Variants in QKI observed in about 807,000 individuals in gnomAD.
QKI encodes the protein QKI, KH domain containing RNA binding.
Under a neutral mutation model 39.0 loss-of-function variants are expected in QKI, and 10 were observed. The observed-to-expected ratio is 0.26, with a 90% CI of 0.16 to 0.43. The LOEUF (loss-of-function observed/expected upper bound fraction) is 0.43, where lower values mean the gene tolerates loss of function less well. QKI is among the 20% of genes least tolerant of loss of function. The pLI is 1.00. For synonymous variants in QKI, 204 were observed against 155.4 expected (o/e 1.31, Z -2.33); for missense variants, 218 against 428.0 (o/e 0.51, Z 4.33).
intron 4 of QKI, among the ~76,000 whole-genome samples, chr6:163,539,837 C>T (rs1488525897): frequency 6.6e-6 from 1 of 152,168 alleles, no homozygotes; most frequent in Non-Finnish European, 1.5e-5. Context: ...TCAACACACA[C>T]TCAAACCCTG....
chr6:163,442,741 T>C (rs1789851123), intron 1 of QKI, among the ~76,000 whole-genome samples: 2 of 152,142 alleles, frequency 1.3e-5, no homozygotes, highest in African/African-American at 2.4e-5. Flanking sequence ...TAGTCTTGAA[T>C]GTATCAGATA....
chr6:163,575,000 G>A lies in QKI; in HGVS notation c.*4290G>A, dbSNP rs1783904368. ...CACAGAGTAGTGTTAGCTGATGTGA[G>A]TGATAACAGCGAATCACCATTGAGA... On this transcript the variant is annotated 3_prime_UTR_variant, in exon 8 of 8. Transcript: ENST00000361752. The A allele has an allele frequency of 6.6e-6, 1 of 152,190 alleles. No individual in the cohort carries two copies. Among genetic ancestry groups the A allele is most frequent in the African/African-American group, 2.4e-5 (1 of 41,426 alleles). 9.4% of individuals were successfully genotyped at this position (152,190 alleles called of 1,614,324 possible).
chr6:163,448,180 G>A (rs912854719), intron 1 of QKI, among the ~76,000 whole-genome samples: 13 of 152,078 alleles, frequency 8.5e-5, no homozygotes, highest in South Asian at 6.2e-4. Flanking sequence ...GAAATTTATC[G>A]CCAGTTGTGG....
intron 2 of QKI, among the ~76,000 whole-genome samples, chr6:163,467,727 A>G (rs1030648185): frequency 6.6e-6 from 1 of 152,178 alleles, no homozygotes; most frequent in Admixed American, 6.5e-5. Flanking sequence ...TATGAAGGTA[A>G]CAAGGCATAA....
At chr6:163,452,413 C>G (rs1335850568) in intron 1 of QKI, among the ~76,000 whole-genome samples, 1 of 152,072 alleles carries the variant, frequency 6.6e-6, no homozygotes, top group African/African-American at 2.4e-5. Context: ...GGTAGAAAGA[C>G]TTCTTATCTG....
intron 3 of QKI, among the ~76,000 whole-genome samples, chr6:163,527,893 C>G (rs1780612617): frequency 6.6e-6 from 1 of 152,116 alleles, no homozygotes; most frequent in South Asian, 2.1e-4. Flanking sequence ...ACAACCTCAC[C>G]TATTCGAAAC....
At chr6:163,444,907 AATT>A (rs994349637) in intron 1 of QKI, among the ~76,000 whole-genome samples, 4 of 151,806 alleles carry the variant, frequency 2.6e-5, no homozygotes, top group African/African-American at 7.3e-5. Flanking sequence ...AACACTTTTT[AATT>A]ATTATTATTA....
intron 3 of QKI, among the ~76,000 whole-genome samples, chr6:163,503,759 A>G (rs1778927069): frequency 6.6e-6 from 1 of 151,696 alleles, no homozygotes; most frequent in South Asian, 2.1e-4. Context: ...TATTTTTTGG[A>G]GACAGAGTCT....
At chr6:163,451,889 G>A (rs1400531127) in intron 1 of QKI, among the ~76,000 whole-genome samples, 1 of 152,178 alleles carries the variant, frequency 6.6e-6, no homozygotes, top group African/African-American at 2.4e-5. Flanking sequence ...CTCGTTGCAT[G>A]TTTCCATAGT....
intron 1 of QKI, among the ~76,000 whole-genome samples, chr6:163,422,774 T>C (rs1373417080): frequency 2.0e-5 from 3 of 152,256 alleles, no homozygotes; most frequent in Admixed American, 6.5e-5. Context: ...GGCCCCGGGA[T>C]TGAATAAGTA....
Position 163,540,271 on chromosome 6 carries a change from T to C in QKI, c.546+5146T>C, listed in dbSNP as rs1160027763. 2.6e-5 allele frequency among the ~76,000 whole-genome samples: 4 copies of C among 152,276 alleles called. No homozygotes were observed. The South Asian group carries it at 8.3e-4, about 32-fold the overall frequency. On this transcript the variant is annotated intron_variant, in intron 4 of 7. Transcript: ENST00000361752. ...GGGGAGTAGGGAGGGGCAGACTTTT[T>C]GCTTAATATAAACTTTCATAAGGAA...
intron 3 of QKI, among the ~76,000 whole-genome samples, 197 bp from the exon 4 acceptor site, chr6:163,534,785 G>A (rs1455079736): frequency 6.6e-6 from 1 of 152,106 alleles, no homozygotes; most frequent in Admixed American, 6.5e-5. Flanking sequence ...ATACTTGTTG[G>A]ATTAATTATC....
chr6:163,534,942 A>G (rs1196128020), intron 3 of QKI, 40 bp from the exon 4 acceptor site: 3 of 1,499,346 alleles, frequency 2.0e-6, no homozygotes, highest in Non-Finnish European at 2.7e-6. Context: ...TCTCTCTTTA[A>G]AGAGAATAAT....
chr6:163,550,962 A>AAT (rs1554277520), intron 4 of QKI, among the ~76,000 whole-genome samples: 1 of 150,910 alleles, frequency 6.6e-6, no homozygotes, highest in African/African-American at 2.4e-5. Flanking sequence ...AAAAAAAAAA[A>AAT]GCTGCTTCTG....
At chr6:163,533,495 A>G (rs1478971300) in intron 3 of QKI, among the ~76,000 whole-genome samples, 1 of 152,200 alleles carries the variant, frequency 6.6e-6, no homozygotes, top group African/African-American at 2.4e-5. Context: ...TGCTGTTCAA[A>G]TTCTCAAACT....
At chr6:163,424,692 C>T (rs540054349) in intron 1 of QKI, among the ~76,000 whole-genome samples, 1 of 150,928 alleles carries the variant, frequency 6.6e-6, no homozygotes, top group Non-Finnish European at 1.5e-5. Context: ...TGCCAAAGCA[C>T]TGGATCTTGG....
intron 1 of QKI, among the ~76,000 whole-genome samples, chr6:163,435,948 A>G (rs1387256563): frequency 1.3e-5 from 2 of 152,202 alleles, no homozygotes; most frequent in East Asian, 1.9e-4. Context: ...TTTTTACTCT[A>G]AGTGACTAAT....
At chr6:163,509,177 AAAGT>A (rs1432979463) in intron 3 of QKI, among the ~76,000 whole-genome samples, 1 of 152,114 alleles carries the variant, frequency 6.6e-6, no homozygotes, top group Non-Finnish European at 1.5e-5. Context: ...ATCAATGGTA[AAAGT>A]AAGAAATTGC....
chr6:163,416,419 T>G (rs1332813164), intron 1 of QKI: 2 of 158,212 alleles, frequency 1.3e-5, no homozygotes, highest in African/African-American at 5.0e-5. Context: ...GGCCAGGAGT[T>G]TGTTTGTTTT....
Sources: gnomAD v4.1 joint callset for allele counts (sites outside exome capture counted in the v4.1 genomes callset) on GRCh38, gnomAD v4.1.1 for gene constraint, MANE v1.5 for transcripts, NCBI Gene and HGNC (gene_info 2026-07-23, HGNC 2026-07-21) for gene names.